Variants in DDB2 observed in about 807,000 individuals in gnomAD.
DDB2 encodes DNA damage-binding protein 2.
In DDB2, 27 loss-of-function variants were observed where a neutral mutation model predicts 50.5. The observed-to-expected ratio is 0.53, with a 90% CI of 0.39 to 0.74. DDB2 has a LOEUF of 0.74. Ranked by LOEUF, DDB2 falls within the 30% of genes least tolerant of loss-of-function variation. The pLI, the probability that DDB2 is intolerant of heterozygous loss-of-function variation, is 0.00. For synonymous variants in DDB2, 176 were observed against 205.5 expected (o/e 0.86, Z 1.23); for missense variants, 424 against 545.6 (o/e 0.78, Z 2.22).
chr11:47,224,754 C>T (rs1953533274), intron 3 of DDB2, among the ~76,000 whole-genome samples: 2 of 130,462 alleles, frequency 1.5e-5, no homozygotes, highest in South Asian at 2.9e-4. Context: ...TCCCTCCCTT[C>T]GTTCCTTTCT....
intron 2 of DDB2, 116 bp downstream of exon 2, chr11:47,216,588 C>A: frequency 1.4e-6 from 2 of 1,465,160 alleles, no homozygotes; most frequent in Non-Finnish European, 1.9e-6. Flanking sequence ...TCCGATCACC[C>A]AGACTGTGGT....
chr11:47,234,500 C>G, intron 4 of DDB2, 73 bp from the exon 5 acceptor site: 1 of 1,225,390 alleles, frequency 8.2e-7, no homozygotes, highest in Non-Finnish European at 1.2e-6. Flanking sequence ...GGGTTAGTCA[C>G]CGGAGCGGCA....
chr11:47,233,546 A>C, intron 4 of DDB2: 1 of 165,956 alleles, frequency 6.0e-6, no homozygotes, highest in South Asian at 1.6e-4. Context: ...ATCTCTACTA[A>C]CAATACAAAA....
chr11:47,226,127 A>G (rs1341709225), intron 3 of DDB2, among the ~76,000 whole-genome samples: 1 of 152,194 alleles, frequency 6.6e-6, no homozygotes, highest in Admixed American at 6.6e-5. Flanking sequence ...GCTTATGCCA[A>G]TAAGTACGAT....
At chr11:47,236,678 G>C (rs1360430535) in intron 7 of DDB2, among the ~76,000 whole-genome samples, 1 of 152,224 alleles carries the variant, frequency 6.6e-6, no homozygotes, top group Non-Finnish European at 1.5e-5. Flanking sequence ...CCCAGCACCT[G>C]GTAAGTACTG....
chr11:47,220,848 T>A (rs563332421), intron 3 of DDB2: 7 of 152,330 alleles, frequency 4.6e-5, no homozygotes, highest in Admixed American at 6.5e-5. Context: ...GATAGCTTAA[T>A]TTTATTCCTA....
At chr11:47,225,604 A>C (rs184118289) in intron 3 of DDB2, among the ~76,000 whole-genome samples, 5 of 152,266 alleles carry the variant, frequency 3.3e-5, no homozygotes, top group African/African-American at 1.2e-4. Flanking sequence ...TTTTAAAAAA[A>C]AAAAACAAAA....
intron 3 of DDB2, among the ~76,000 whole-genome samples, chr11:47,224,532 G>A (rs1000848691): frequency 6.6e-6 from 1 of 152,172 alleles, no homozygotes; most frequent in Non-Finnish European, 1.5e-5. Flanking sequence ...TTACAGGCGT[G>A]AGCCACCTTG....
chr11:47,221,319 G>A, intron 3 of DDB2, among the ~76,000 whole-genome samples: 1 of 150,910 alleles, frequency 6.6e-6, no homozygotes, highest in Non-Finnish European at 1.5e-5. Context: ...TGTCGCTCAG[G>A]CTGGAGTGCA....
At chr11:47,215,490 ACTT>A (rs1953388727) in intron 1 of DDB2, 2 of 586,604 alleles carry the variant, frequency 3.4e-6, no homozygotes, top group Non-Finnish European at 6.1e-6. Flanking sequence ...AGACACACGG[ACTT>A]GTCAGATTCC....
chr11:47,238,222 A>C (rs746755700), intron 9 of DDB2, 39 bp downstream of exon 9: 25 of 1,572,298 alleles, frequency 1.6e-5, no homozygotes, highest in Middle Eastern at 1.7e-4. Flanking sequence ...GCCAAGTCCG[A>C]TCCTACTTCC....
At position 47,235,131 on chromosome 11, in the gene DDB2, A is replaced by G. The variant is rs4647752; in HGVS notation, c.881-139A>G. The G allele has an allele frequency of 0.029, 40,313 of 1,379,734 alleles. 1,082 individuals are homozygous for G. Among genetic ancestry groups the G allele is most frequent in the South Asian group, 0.11 (9,392 of 85,322 alleles). 85.5% of individuals were successfully genotyped at this position (1,379,734 alleles called of 1,614,324 possible). A position where few individuals can be genotyped will look rare whatever the true frequency, so the allele number is the denominator to read the frequency against. ...CCAGAATTTTTTTGTTGTTGTTCAC[A>G]GCCCAGATTCACCTCTTCCTTTCCG... On this transcript the variant is annotated intron_variant, in intron 6 of 9. Coordinates refer to ENST00000256996, the MANE Select transcript of DDB2 (RefSeq NM_000107.3).
Position 47,235,354 on chromosome 11 carries a change from GC to G in DDB2, c.970del (p.Leu324TrpfsTer3). On this transcript the variant is annotated frameshift_variant, in exon 7 of 10. Coordinates refer to ENST00000256996, the MANE Select transcript of DDB2 (RefSeq NM_000107.3). LOFTEE classifies it high-confidence loss of function. Reference sequence around the variant, plus strand: ...GTTTACTCTGCTTCCCAGTGGGACTGCCCCCTGGGCCTGATCCCGCACCCTC... The same window carrying G: ...GTTTACTCTGCTTCCCAGTGGGACTGCCCCTGGGCCTGATCCCGCACCCTC... The part of the protein sequence containing the change: ...IRVYSASQWD[C>X]PLGLIPHPHR... The G allele has an allele frequency of 3.1e-6, 5 of 1,613,782 alleles. No homozygotes were observed. Among genetic ancestry groups the G allele is most frequent in the Non-Finnish European group, 4.2e-6 (5 of 1,179,842 alleles).
chr11:47,214,813 C>A, upstream of DDB2: 1 of 427,214 alleles, frequency 2.3e-6, no homozygotes. Context: ...ACCATCTTTG[C>A]TCCAGGGAGG....
At position 47,238,802 on chromosome 11, in the gene DDB2, T is replaced by C. The variant is rs1953790756; in HGVS notation, c.1237T>C (p.Tyr413His). 1 of 1,613,738 alleles carries C rather than the reference T, an allele frequency of 6.2e-7. No homozygotes were observed. The highest frequency in any genetic ancestry group is 8.5e-7 in the Non-Finnish European group (1 of 1,179,912). Reference protein sequence around the residue: ...MGDTLASAMGYHILIWSQEEA... With the variant: ...MGDTLASAMGHHILIWSQEEA... The stretch of plus-strand genomic sequence containing the variant: ...CAGACTGGTCTCACTCTTCCTAGGT[T>C]ACCACATTCTCATCTGGAGCCAGGA... Residue 413 changes from tyrosine (Y) to histidine (H), a missense_variant and splice_region_variant, in exon 10 of 10, where the codon TAC (tyrosine) becomes CAC (histidine). Coordinates refer to ENST00000256996, the MANE Select transcript of DDB2 (RefSeq NM_000107.3).
Position 47,234,847 on chromosome 11 carries a change from C to G in DDB2, c.793C>G (p.Gln265Glu), listed in dbSNP as rs201259165. ...GTTCCTGGCCACAGCCTCCGTAGAT[C>G]AAACAGTGAAAATTTGGGACCTGCG... The part of the protein sequence containing the change: ...DWFLATASVD[Q>E]TVKIWDLRQV... The change falls in exon 6 of 10, where the codon CAA (glutamine) becomes GAA (glutamate). Residue 265 changes from glutamine (Q) to glutamate (E), a missense_variant. Transcript: ENST00000256996. 3 of 1,614,050 alleles carry G rather than the reference C, an allele frequency of 1.9e-6. No homozygotes were observed. The highest frequency in any genetic ancestry group is 1.7e-6 in the Non-Finnish European group (2 of 1,180,028).
chr11:47,228,989 C>CTATCTATCTATCTATG (rs1953603970), intron 3 of DDB2, among the ~76,000 whole-genome samples: 1 of 146,774 alleles, frequency 6.8e-6, no homozygotes, highest in African/African-American at 2.5e-5. Context: ...ATCTATCTAT[C>CTATCTATCTATCTATG]TATCTATCTA....
intron 3 of DDB2, among the ~76,000 whole-genome samples, chr11:47,218,775 G>A (rs557201717): frequency 6.6e-6 from 1 of 152,126 alleles, no homozygotes; most frequent in South Asian, 2.1e-4. Context: ...TGGTGGTAGG[G>A]TCAGGGGTAA....
intron 3 of DDB2, among the ~76,000 whole-genome samples, chr11:47,231,618 G>A (rs1211273256): frequency 6.6e-6 from 1 of 152,062 alleles, no homozygotes; most frequent in Non-Finnish European, 1.5e-5. Flanking sequence ...CGACCTCCAG[G>A]CTTCCGTCAT....
Sources: allele counts gnomAD v4.1 joint callset (sites outside exome capture counted in the v4.1 genomes callset), GRCh38; gene constraint gnomAD v4.1.1; transcripts MANE v1.5; gene names NCBI Gene and HGNC (gene_info 2026-07-23, HGNC 2026-07-21).